The following CDK14 variants were observed in gnomAD, a reference collection of about 807,000 sequenced individuals.
CDK14 encodes the protein cyclin dependent kinase 14.
CDK14 carries 34 observed loss-of-function variants against 60.7 expected under a neutral mutation model. The observed-to-expected ratio is 0.56, with a 90% CI of 0.43 to 0.75. The LOEUF (loss-of-function observed/expected upper bound fraction) is 0.75, where lower values mean the gene tolerates loss of function less well. CDK14 is among the 30% of genes least tolerant of loss of function. CDK14 has a pLI of 0.00. For missense variants in CDK14, 482 were observed against 564.1 expected (o/e 0.85, Z 1.47); for synonymous variants, 197 against 203.7 (o/e 0.97, Z 0.28).
chr7:90,818,319 A>G (rs1789427898), intron 5 of CDK14, among the ~76,000 whole-genome samples: 1 of 152,372 alleles, frequency 6.6e-6, no homozygotes, highest in East Asian at 1.9e-4. Flanking sequence ...ACTTATTTAC[A>G]TCACACGATG....
intron 14 of CDK14, among the ~76,000 whole-genome samples, chr7:91,128,599 G>A (rs895120936): frequency 1.3e-5 from 2 of 152,054 alleles, no homozygotes; most frequent in Non-Finnish European, 2.9e-5. Flanking sequence ...GGAAAACATT[G>A]TCAAAAAAAT....
At chr7:91,131,285 G>A (rs1233078027) in intron 14 of CDK14, among the ~76,000 whole-genome samples, 2 of 151,956 alleles carry the variant, frequency 1.3e-5, no homozygotes, top group Non-Finnish European at 2.9e-5. Flanking sequence ...TGATGTTTTG[G>A]AGAAGAATAC....
At chr7:90,711,029 T>C (rs935450638) in intron 2 of CDK14, among the ~76,000 whole-genome samples, 1 of 152,112 alleles carries the variant, frequency 6.6e-6, no homozygotes, top group African/African-American at 2.4e-5. Flanking sequence ...ATTCCACTTG[T>C]GTATAGTTTA....
At chr7:90,787,496 A>T (rs1168844490) in intron 4 of CDK14, among the ~76,000 whole-genome samples, 1 of 152,206 alleles carries the variant, frequency 6.6e-6, no homozygotes, top group Non-Finnish European at 1.5e-5. Context: ...AATTTTTGGA[A>T]ATAATACTTT....
At chr7:90,600,143 C>T (rs1799284854) in intron 1 of CDK14, among the ~76,000 whole-genome samples, 1 of 152,142 alleles carries the variant, frequency 6.6e-6, no homozygotes, top group African/African-American at 2.4e-5. Context: ...TTTAAAGTCA[C>T]CCATCAATTT....
chr7:90,983,088 T>A (rs961808983), intron 9 of CDK14, among the ~76,000 whole-genome samples: 1 of 152,162 alleles, frequency 6.6e-6, no homozygotes, highest in Non-Finnish European at 1.5e-5. Flanking sequence ...GGAATGCTCA[T>A]ACACTGTTCA....
intron 6 of CDK14, among the ~76,000 whole-genome samples, chr7:90,890,910 A>G (rs554211997): frequency 1.3e-5 from 2 of 152,334 alleles, no homozygotes; most frequent in African/African-American, 4.8e-5. Flanking sequence ...ATGAAAGGAT[A>G]GTGAGTTATT....
chr7:90,630,381 G>A (rs1443281752), intron 2 of CDK14, among the ~76,000 whole-genome samples: 1 of 152,158 alleles, frequency 6.6e-6, no homozygotes, highest in African/African-American at 2.4e-5. Flanking sequence ...TAACACAATG[G>A]TAAGTACTTG....
chr7:90,894,150 A>G (rs890259531), intron 6 of CDK14, among the ~76,000 whole-genome samples: 3 of 152,162 alleles, frequency 2.0e-5, no homozygotes, highest in South Asian at 2.1e-4. Flanking sequence ...AGTATCCACA[A>G]TGTGCTGGAC....
chr7:90,698,067 C>CAAAAAAACAA (rs1801700653), intron 2 of CDK14, among the ~76,000 whole-genome samples: 1 of 75,746 alleles, frequency 1.3e-5, no homozygotes, highest in Non-Finnish European at 2.3e-5. Context: ...GACTCTGTCT[C>CAAAAAAACAA]AAAAAAAAAA....
intron 2 of CDK14, among the ~76,000 whole-genome samples, chr7:90,662,326 G>A (rs890481334): frequency 2.6e-5 from 4 of 152,314 alleles, no homozygotes; most frequent in Admixed American, 2.6e-4. Flanking sequence ...AAGTGAACCA[G>A]CACCCAGGTT....
intron 10 of CDK14, among the ~76,000 whole-genome samples, chr7:90,999,663 C>T (rs928840356): frequency 6.6e-6 from 1 of 152,118 alleles, no homozygotes; most frequent in African/African-American, 2.4e-5. Flanking sequence ...CTGACCTTCT[C>T]CTTCCTGTGT....
intron 9 of CDK14, among the ~76,000 whole-genome samples, chr7:90,963,966 G>T (rs536590017): frequency 6.6e-6 from 1 of 151,846 alleles, no homozygotes; most frequent in Non-Finnish European, 1.5e-5. Context: ...CACCTGCCTC[G>T]GTCTCCCAAA....
chr7:90,931,984 A>G (rs1326754152), intron 8 of CDK14, among the ~76,000 whole-genome samples: 1 of 152,194 alleles, frequency 6.6e-6, no homozygotes, highest in Admixed American at 6.5e-5. Context: ...TTGACAATTT[A>G]CAAGACGGAA....
At chr7:90,622,965 C>T (rs1584748119) in intron 2 of CDK14, among the ~76,000 whole-genome samples, 3 of 145,802 alleles carry the variant, frequency 2.1e-5, no homozygotes, top group South Asian at 4.3e-4. Flanking sequence ...GCTCCATCTG[C>T]ACTCTCTGGT....
intron 10 of CDK14, among the ~76,000 whole-genome samples, chr7:91,031,689 A>G (rs1796763678): frequency 6.6e-6 from 1 of 152,224 alleles, no homozygotes; most frequent in Non-Finnish European, 1.5e-5. Context: ...AATTCCCTGC[A>G]TCAGGTTCAA....
At chr7:90,840,803 C>G (rs1033111765) in intron 5 of CDK14, among the ~76,000 whole-genome samples, 1 of 152,188 alleles carries the variant, frequency 6.6e-6, no homozygotes, top group African/African-American at 2.4e-5. Flanking sequence ...AGACTGCTTA[C>G]CATAGTTTCT....
At chr7:90,762,091 A>G (rs900865028) in intron 4 of CDK14, among the ~76,000 whole-genome samples, 2 of 152,156 alleles carry the variant, frequency 1.3e-5, no homozygotes, top group Admixed American at 1.3e-4. Context: ...GATAGTAAAT[A>G]TACATTGGAT....
intron 2 of CDK14, among the ~76,000 whole-genome samples, chr7:90,700,370 G>A (rs1225955538): frequency 6.6e-6 from 1 of 152,122 alleles, no homozygotes; most frequent in African/African-American, 2.4e-5. Flanking sequence ...AGGATTACAG[G>A]CGTGAGCCAC....
Sources: allele counts gnomAD v4.1 joint callset (sites outside exome capture counted in the v4.1 genomes callset), GRCh38; gene constraint gnomAD v4.1.1; transcripts MANE v1.5; gene names NCBI Gene and HGNC (gene_info 2026-07-23, HGNC 2026-07-21).